The following CDH1 variants were observed in gnomAD, a reference collection of about 807,000 sequenced individuals.
CDH1 encodes the protein cadherin 1, also known as cadherin-1.
In CDH1, 35 loss-of-function variants were observed where a neutral mutation model predicts 84.5. The observed-to-expected ratio is 0.41, with a 90% CI of 0.32 to 0.55. The LOEUF is 0.55. CDH1 is among the 20% of genes least tolerant of loss of function. The probability of loss-of-function intolerance (pLI) is 0.19; values close to 1 mark genes in which losing one functional copy is unlikely to be tolerated. For missense variants in CDH1, 994 were observed against 1,126.6 expected, an observed-to-expected ratio of 0.88 and a Z score of 1.68; for synonymous variants, 417 against 439.0, an observed-to-expected ratio of 0.95 and a Z score of 0.63.
intron 6 of CDH1, among the ~76,000 whole-genome samples, chr16:68,810,967 A>G (rs1960805585): frequency 6.6e-6 from 1 of 152,096 alleles, no homozygotes; most frequent in Non-Finnish European, 1.5e-5. Flanking sequence ...CAGCCCCACA[A>G]GCTGCTAAGA....
At chr16:68,786,016 G>T (rs755458734) in intron 2 of CDH1, among the ~76,000 whole-genome samples, 1 of 152,186 alleles carries the variant, frequency 6.6e-6, no homozygotes, top group Non-Finnish European at 1.5e-5. Context: ...GCTGGAACAG[G>T]TGCCCCATCT....
At chr16:68,820,404 G>A (rs1345333060) in intron 11 of CDH1, among the ~76,000 whole-genome samples, 1 of 148,470 alleles carries the variant, frequency 6.7e-6, no homozygotes, top group African/African-American at 2.5e-5. Context: ...AGGCTGGAGT[G>A]CAGTGGTGCA....
Position 68,766,129 on chromosome 16 carries a change from C to T in CDH1, c.163+27718C>T, listed in dbSNP as rs535119213. 2.5e-4 allele frequency among the ~76,000 whole-genome samples: 38 copies of T among 152,084 alleles called. No homozygotes were observed. The South Asian group carries it at 7.3e-3, about 29-fold the overall frequency. Reference sequence around the variant, plus strand: ...AGAAAATTAGCCGGGTGTGGTGGTGCGCGCCTGTAGTCCCAGCTACTTGGG... The same window carrying T: ...AGAAAATTAGCCGGGTGTGGTGGTGTGCGCCTGTAGTCCCAGCTACTTGGG... On this transcript the variant is annotated intron_variant, in intron 2 of 15. Transcript: ENST00000261769.
At chr16:68,753,557 T>G (rs1962941180) in intron 2 of CDH1, among the ~76,000 whole-genome samples, 1 of 151,872 alleles carries the variant, frequency 6.6e-6, no homozygotes, top group South Asian at 2.1e-4. Flanking sequence ...CAGGATGGTC[T>G]CAATATCCTG....
At chr16:68,797,427 A>G (rs548531489) in intron 2 of CDH1, among the ~76,000 whole-genome samples, 11 of 152,160 alleles carry the variant, frequency 7.2e-5, no homozygotes, top group Non-Finnish European at 1.2e-4. Flanking sequence ...TCACTTCTGT[A>G]ATCCCAGCAC....
intron 5 of CDH1, among the ~76,000 whole-genome samples, chr16:68,809,509 G>A (rs1358575761): frequency 1.3e-5 from 2 of 151,068 alleles, no homozygotes; most frequent in African/African-American, 2.4e-5. Context: ...GCCTACAAGA[G>A]GTCATTTGTT....
chr16:68,819,754 A>C (rs1961090736), intron 11 of CDH1, among the ~76,000 whole-genome samples: 1 of 152,094 alleles, frequency 6.6e-6, no homozygotes, highest in Non-Finnish European at 1.5e-5. Context: ...CCATGTGTAC[A>C]CATTATCGAA....
chr16:68,800,620 G>A (rs183882307), intron 2 of CDH1, among the ~76,000 whole-genome samples: 284 of 152,232 alleles, frequency 1.9e-3, no homozygotes, highest in Non-Finnish European at 3.0e-3. Flanking sequence ...TATTTGAAAG[G>A]GAGGAAAACA....
intron 2 of CDH1, among the ~76,000 whole-genome samples, chr16:68,745,102 G>C (rs1292772911): frequency 6.6e-6 from 1 of 151,914 alleles, no homozygotes; most frequent in Non-Finnish European, 1.5e-5. Context: ...TGTAGAACTG[G>C]AGTGGGAGGA....
At position 68,745,533 on chromosome 16, in the gene CDH1, C is replaced by CA. The variant is rs67825283; in HGVS notation, c.163+7139dup. On this transcript the variant is annotated intron_variant, in intron 2 of 15. Transcript: ENST00000261769. ...ACTCCAGCTGATAGAGATCCTGTCT[C>CA]AAAAAAAAAAAAAAAAATATATATA... Among the ~76,000 whole-genome samples the CA allele has an allele frequency of 4.6e-3, 187 of 40,438 alleles. 3 individuals are homozygous for CA. The Middle Eastern group carries it at 0.048, about 10-fold the overall frequency. 26.5% of individuals were successfully genotyped at this position (40,438 alleles called of 152,430 possible). A position where few individuals can be genotyped will look rare whatever the true frequency, so the allele number is the denominator to read the frequency against.
At chr16:68,802,157 C>T (rs1217990907) in intron 3 of CDH1, among the ~76,000 whole-genome samples, 1 of 152,202 alleles carries the variant, frequency 6.6e-6, no homozygotes, top group African/African-American at 2.4e-5. Context: ...AAGTTGAGGG[C>T]TCTTGGCCTA....
At chr16:68,803,573 T>G (rs1286831797) in intron 3 of CDH1, among the ~76,000 whole-genome samples, 2 of 151,988 alleles carry the variant, frequency 1.3e-5, no homozygotes, top group Non-Finnish European at 2.9e-5. Flanking sequence ...GATTTTTGGA[T>G]TTTAGTAGAG....
intron 2 of CDH1, among the ~76,000 whole-genome samples, chr16:68,776,299 C>A (rs574831284): frequency 6.6e-6 from 1 of 152,250 alleles, no homozygotes; most frequent in Admixed American, 6.5e-5. Flanking sequence ...TTTTAGATTT[C>A]TTTTAATGTA....
chr16:68,738,186 C>G (rs1962450720), intron 1 of CDH1, 111 bp from the exon 2 acceptor site: 1 of 716,550 alleles, frequency 1.4e-6, no homozygotes, highest in Non-Finnish European at 2.4e-6. Flanking sequence ...GGGCTGGGGT[C>G]CTCCCCCAAT....
At chr16:68,741,886 G>A (rs758791872) in intron 2 of CDH1, among the ~76,000 whole-genome samples, 1 of 152,120 alleles carries the variant, frequency 6.6e-6, no homozygotes, top group Non-Finnish European at 1.5e-5. Flanking sequence ...GGTCAGGCTG[G>A]TCTCAAACTC....
At chr16:68,747,365 G>A (rs551370710) in intron 2 of CDH1, among the ~76,000 whole-genome samples, 1 of 152,084 alleles carries the variant, frequency 6.6e-6, no homozygotes, top group Admixed American at 6.6e-5. Context: ...CTGGGCCAGG[G>A]TACCTCTGGG....
chr16:68,832,326 T>C (rs562120798), intron 15 of CDH1, among the ~76,000 whole-genome samples: 3 of 151,430 alleles, frequency 2.0e-5, no homozygotes. Context: ...TTTAAAAATA[T>C]AAATTATGGT....
At chr16:68,818,268 A>G (rs1326938610) in intron 10 of CDH1, among the ~76,000 whole-genome samples, 1 of 151,750 alleles carries the variant, frequency 6.6e-6, no homozygotes, top group Non-Finnish European at 1.5e-5. Context: ...AAGAAAAAAA[A>G]AGAAAATCAA....
At chr16:68,810,578 T>C (rs1320620552) in intron 6 of CDH1, among the ~76,000 whole-genome samples, 3 of 151,892 alleles carry the variant, frequency 2.0e-5, no homozygotes, top group Non-Finnish European at 2.9e-5. Context: ...TTTTTTTTTT[T>C]TTAGGCTGGG....
Sources: gnomAD v4.1 joint callset for allele counts (sites outside exome capture counted in the v4.1 genomes callset) on GRCh38, gnomAD v4.1.1 for gene constraint, MANE v1.5 for transcripts, NCBI Gene and HGNC (gene_info 2026-07-23, HGNC 2026-07-21) for gene names.